The following TBK1 variants were observed in gnomAD, a reference collection of about 807,000 sequenced individuals.
TBK1 encodes the protein serine/threonine-protein kinase TBK1.
Under a neutral mutation model 99.9 loss-of-function variants are expected in TBK1, and 37 were observed. The ratio of observed to expected loss-of-function variants is 0.37; its 90% CI spans 0.28 to 0.49. The LOEUF is 0.49. TBK1 is among the 20% of genes least tolerant of loss of function. The probability of loss-of-function intolerance (pLI) is 0.98; values close to 1 mark genes in which losing one functional copy is unlikely to be tolerated. For missense variants in TBK1, 644 were observed against 872.5 expected (o/e 0.74, Z 3.30); for synonymous variants, 258 against 279.8 (o/e 0.92, Z 0.78).
chr12:64,473,661 C>T (rs978315890), intron 5 of TBK1, among the ~76,000 whole-genome samples: 1 of 152,154 alleles, frequency 6.6e-6, no homozygotes, highest in Non-Finnish European at 1.5e-5. Flanking sequence ...TGCAGTGGCT[C>T]ATGCCTGTAA....
In TBK1 at chr12:64,497,228, A is replaced by T. The variant is rs771502324; in HGVS notation, c.1928A>T (p.Glu643Val). 5.6e-6 allele frequency: 9 copies of T among 1,595,134 alleles called. No homozygotes were observed. The highest frequency in any genetic ancestry group is 1.3e-5 in the African/African-American group (1 of 74,462). Reference sequence around the variant, plus strand: ...AATCAGTGTTTTGATATTGAAGAAGAAGTATCAAAATATCAAGAATATACT... The same window carrying T: ...AATCAGTGTTTTGATATTGAAGAAGTAGTATCAAAATATCAAGAATATACT... ...LTNQCFDIEE[E>V]VSKYQEYTNE... Residue 643 changes from glutamate (E) to valine (V), a missense_variant, in exon 18 of 21, where the codon GAA becomes GTA. By Grantham distance (121) the Glu-to-Val change is moderately radical (BLOSUM62 -2). Coordinates refer to ENST00000331710, the MANE Select transcript of TBK1 (RefSeq NM_013254.4).
rs199905735 is a variant in TBK1 at position 64,495,564 on chromosome 12, G to A, written c.1603G>A (p.Ala535Thr). ...RLSPGGSLAD[A>T]WAHQEGTHPK... Reference sequence around the variant, plus strand: ...ATCTCCAGGTGGATCACTGGCAGACGCATGGGCACATCAAGAAGGCACTCA... The same window carrying A: ...ATCTCCAGGTGGATCACTGGCAGACACATGGGCACATCAAGAAGGCACTCA... Residue 535 changes from alanine to threonine, a missense_variant, in exon 14 of 21, where the codon GCA becomes ACA. Ala to Thr is a moderately conservative substitution (Grantham distance 58). Coordinates refer to ENST00000331710, the MANE Select transcript of TBK1 (RefSeq NM_013254.4). 152 of 1,613,942 alleles carry A rather than the reference G, an allele frequency of 9.4e-5. No homozygotes were observed. Among genetic ancestry groups the A allele is most frequent in the Non-Finnish European group, 1.2e-4 (138 of 1,179,958 alleles).
At position 64,501,604 on chromosome 12, in the gene TBK1, T is replaced by G. The variant is rs2040990434; in HGVS notation, c.*223T>G. On this transcript the variant is annotated 3_prime_UTR_variant, in exon 21 of 21. Transcript: ENST00000331710. ...ACATTTATAATTATATGAGGAAATTTGACCTCAGTGATCACGAGAAGAAAG... is the reference window on the plus strand; with the variant it reads ...ACATTTATAATTATATGAGGAAATTGGACCTCAGTGATCACGAGAAGAAAG... 4 of 469,336 alleles carry G rather than the reference T, an allele frequency of 8.5e-6. No homozygotes were observed. The Admixed American group carries it at 1.6e-4, about 18-fold the overall frequency. The allele number at this position is 469,336 out of a possible 1,614,324, so 29.1% of individuals were successfully genotyped here. A position where few individuals can be genotyped will look rare whatever the true frequency, so the allele number is the denominator to read the frequency against.
Position 64,475,175 on chromosome 12 carries a change from AC to A in TBK1, c.701+786del, listed in dbSNP as rs1250170974. Among the ~76,000 whole-genome samples the A allele has an allele frequency of 2.6e-5, 4 of 152,172 alleles. No homozygotes were observed. In the East Asian group the frequency reaches 5.8e-4, roughly 22 times the overall value. On this transcript the variant is annotated intron_variant, in intron 6 of 20. Transcript: ENST00000331710. ...CATTTTGGCAGTAATGTAACATTAA[AC>A]TTTTTTTTCCAGTGTTGCAGATTTG... is the stretch of plus-strand genomic sequence containing the variant.
At chr12:64,498,119 A>T (rs1237456454) in intron 20 of TBK1, 80 bp downstream of exon 20, 9 of 1,220,400 alleles carry the variant, frequency 7.4e-6, no homozygotes, top group Non-Finnish European at 1.1e-5. Flanking sequence ...TTCCTGTATC[A>T]ATAGATTCAG....
intron 8 of TBK1, among the ~76,000 whole-genome samples, chr12:64,482,595 T>TA (rs915828928): frequency 5.7e-4 from 87 of 152,340 alleles, no homozygotes; most frequent in African/African-American, 2.0e-3. Context: ...GGACCATATA[T>TA]ACAACACTGG....
chr12:64,491,260 A>G (rs1221041440), intron 13 of TBK1, among the ~76,000 whole-genome samples: 2 of 152,074 alleles, frequency 1.3e-5, no homozygotes, highest in Non-Finnish European at 2.9e-5. Flanking sequence ...TTTTTCTCTA[A>G]AATCAGCAAT....
intron 3 of TBK1, among the ~76,000 whole-genome samples, chr12:64,463,391 A>G (rs2040569464): frequency 6.6e-6 from 1 of 151,736 alleles, no homozygotes; most frequent in African/African-American, 2.4e-5. Flanking sequence ...AAAAAAAAAA[A>G]AAGAAGGAAA....
chr12:64,497,549 T>C, intron 18 of TBK1, 99 bp from the exon 19 acceptor site: 4 of 784,320 alleles, frequency 5.1e-6, no homozygotes, highest in Non-Finnish European at 7.9e-6. Context: ...AAAGGACTTA[T>C]TAAAAGCTGT....
intron 6 of TBK1, among the ~76,000 whole-genome samples, chr12:64,479,289 CAT>C (rs968526780): frequency 5.9e-5 from 9 of 152,194 alleles, no homozygotes; most frequent in Non-Finnish European, 1.0e-4. Context: ...TAATCCCACA[CAT>C]GTGCACTTAC....
intron 5 of TBK1, among the ~76,000 whole-genome samples, chr12:64,470,303 T>C (rs1269284615): frequency 6.6e-6 from 1 of 152,168 alleles, no homozygotes; most frequent in Non-Finnish European, 1.5e-5. Flanking sequence ...CATATCTTAA[T>C]AATGTAAAGG....
chr12:64,498,272 C>T (rs142540888), intron 20 of TBK1, among the ~76,000 whole-genome samples: 1 of 152,202 alleles, frequency 6.6e-6, no homozygotes, highest in Non-Finnish European at 1.5e-5. Flanking sequence ...TTGTAAAGAT[C>T]AAACTCTATT....
rs752881330 is a variant in TBK1, at chr12:64,485,927, C to A, written c.1250C>A (p.Ala417Glu). 5 of 1,562,770 alleles carry A rather than the reference C, an allele frequency of 3.2e-6. No individual in the cohort carries two copies. In the African/African-American group the frequency reaches 5.6e-5, roughly 17 times the overall value. Residue 417 changes from alanine (A) to glutamate (E), a missense_variant and splice_region_variant, in exon 11 of 21, where the codon GCA (alanine) becomes GAA (glutamate). By Grantham distance (107) the Ala-to-Glu change is moderately radical. Transcript: ENST00000331710. ...ATTGACATTTTATTTCTTTATTAGG[C>A]AATAACAGGGGTTGTGTGTTATGCC... is the stretch of plus-strand genomic sequence containing the variant. ...DLDGDASMAKAITGVVCYACR... is the reference protein window; with the variant it reads ...DLDGDASMAKEITGVVCYACR...
chr12:64,481,928 C>T lies in TBK1; in HGVS notation c.899C>T (p.Ala300Val). Residue 300 changes from alanine to valine, a missense_variant, in exon 8 of 21, where the codon GCA (alanine) becomes GTA (valine). Coordinates refer to ENST00000331710, the MANE Select transcript of TBK1 (RefSeq NM_013254.4). ...EKCWGFDQFF[A>V]ETSDILHRMV... ...TGTTGGGGTTTTGACCAGTTTTTTG[C>T]AGAAACTAGTGATATACTTCACCGA... 6.2e-7 allele frequency: 1 copy of T among 1,611,824 alleles called. No individual in the cohort carries two copies. Among genetic ancestry groups the T allele is most frequent in the African/African-American group, 1.3e-5 (1 of 74,872 alleles).
intron 8 of TBK1, 141 bp downstream of exon 8, chr12:64,482,162 G>A: frequency 4.1e-6 from 2 of 483,886 alleles, no homozygotes; most frequent in South Asian, 7.5e-5. Flanking sequence ...TAAGTGCTTA[G>A]TAAATTCCTT....
intron 4 of TBK1, among the ~76,000 whole-genome samples, chr12:64,465,242 C>CAAAAAAAAAAA (rs57575805): frequency 1.7e-5 from 1 of 57,912 alleles, no homozygotes; most frequent in African/African-American, 7.9e-5. Flanking sequence ...AAGACTATCT[C>CAAAAAAAAAAA]AAAAAAAAAA....
chr12:64,475,972 C>A (rs2040707403), intron 6 of TBK1, among the ~76,000 whole-genome samples: 2 of 152,030 alleles, frequency 1.3e-5, no homozygotes, highest in African/African-American at 4.8e-5. Context: ...AATTTGCATT[C>A]CCACCAATAG....
intron 3 of TBK1, 53 bp downstream of exon 3, chr12:64,460,382 A>G: frequency 7.4e-7 from 1 of 1,358,556 alleles, no homozygotes; most frequent in African/African-American, 1.5e-5. Context: ...GTCAAGAAAT[A>G]GAACCTAATA....
rs755646937 is a variant in TBK1, at chr12:64,495,691, TTAAA to T, written c.1644-5_1644-2del. ...GTTAATTTATTTGAGTTTTTCTTCCTTAAATAGTGTAGAAAAACTACAAGTCCTG... is the reference window on the plus strand; with the variant it reads ...GTTAATTTATTTGAGTTTTTCTTCCTTAGTGTAGAAAAACTACAAGTCCTG... On this transcript the variant is annotated splice_polypyrimidine_tract_variant and splice_region_variant and intron_variant, in intron 14 of 20. Coordinates refer to ENST00000331710, the MANE Select transcript of TBK1 (RefSeq NM_013254.4). The T allele has an allele frequency of 9.7e-5, 157 of 1,611,548 alleles. 1 individual carries two copies. The Middle Eastern group carries it at 9.9e-4, about 10-fold the overall frequency.
Sources: allele counts gnomAD v4.1 joint callset (sites outside exome capture counted in the v4.1 genomes callset), GRCh38; gene constraint gnomAD v4.1.1; transcripts MANE v1.5; gene names NCBI Gene and HGNC (gene_info 2026-07-23, HGNC 2026-07-21).